Variants in COL27A1 observed in about 807,000 individuals in gnomAD.
COL27A1 encodes collagen type XXVII alpha 1 chain.
A neutral mutation model predicts 251.3 loss-of-function variants in COL27A1; 106 were observed. The observed-to-expected ratio is 0.42, with a 90% CI of 0.36 to 0.50. The LOEUF is 0.50. Ranked by LOEUF, COL27A1 falls within the 20% of genes least tolerant of loss-of-function variation. The pLI, the probability that COL27A1 is intolerant of heterozygous loss-of-function variation, is 0.00. For missense variants in COL27A1, 2,325 were observed against 2,522.8 expected (o/e 0.92, Z 1.68); for synonymous variants, 1,000 against 986.3 (o/e 1.01, Z -0.26).
At position 114,187,974 on chromosome 9, in the gene COL27A1, C is replaced by T. The variant is rs372659021; in HGVS notation, c.2016+4899C>T. ...GTGTGCCCAAGTTTGAATCCTGGCT[C>T]TACTGATGCAGGGCAGACAAGCCCC... On this transcript the variant is annotated intron_variant, in intron 5 of 60. Coordinates refer to ENST00000356083, the MANE Select transcript of COL27A1 (RefSeq NM_032888.4). 1.4e-4 allele frequency among the ~76,000 whole-genome samples: 21 copies of T among 152,326 alleles called. No individual in the cohort carries two copies. In the East Asian group the frequency reaches 1.5e-3, roughly 11 times the overall value.
At chr9:114,298,541 G>A (rs1456470736) in intron 49 of COL27A1, among the ~76,000 whole-genome samples, 1 of 152,110 alleles carries the variant, frequency 6.6e-6, no homozygotes, top group Non-Finnish European at 1.5e-5. Flanking sequence ...AATTGAATGG[G>A]AAAAGAATTT....
intron 45 of COL27A1, 28 bp downstream of exon 45, chr9:114,289,323 G>C: frequency 1.3e-6 from 2 of 1,556,412 alleles, no homozygotes; most frequent in Non-Finnish European, 8.7e-7. Flanking sequence ...TCAGCAGGGA[G>C]ACTGAGTCCC....
chr9:114,272,425 A>C (rs1294544695), intron 36 of COL27A1: 1 of 152,142 alleles, frequency 6.6e-6, no homozygotes, highest in Admixed American at 6.5e-5. Context: ...AGCCAATTCT[A>C]CCTGAGTCCT....
Position 114,252,205 on chromosome 9 carries a change from G to A in COL27A1, c.3034-388G>A, listed in dbSNP as rs558569717. Among the ~76,000 whole-genome samples, 17 of 152,342 alleles carry A rather than the reference G, an allele frequency of 1.1e-4. No individual in the cohort carries two copies. In the East Asian group the frequency reaches 2.9e-3, roughly 26 times the overall value. On this transcript the variant is annotated intron_variant, in intron 25 of 60. Transcript: ENST00000356083. ...AGGGAGTTTGGAGAGTGAAAGACAT[G>A]CCTTCTCTTGCTGTTTCTGCCTCAG...
At chr9:114,282,843 T>TAA (rs1836012972) in intron 39 of COL27A1, among the ~76,000 whole-genome samples, 1 of 152,210 alleles carries the variant, frequency 6.6e-6, no homozygotes, top group Non-Finnish European at 1.5e-5. Context: ...TGGACCCAAA[T>TAA]TAATAAGCCT....
intron 37 of COL27A1, among the ~76,000 whole-genome samples, chr9:114,279,177 A>G (rs997378276): frequency 6.6e-6 from 1 of 152,132 alleles, no homozygotes; most frequent in African/African-American, 2.4e-5. Flanking sequence ...CCATTGCCTG[A>G]CCAAGACCAG....
Position 114,235,668 on chromosome 9 carries a change from TTTCCCCTCCCCC to T in COL27A1, c.2619+18_2619+29del. 1 of 1,605,362 alleles carries T rather than the reference TTTCCCCTCCCCC, an allele frequency of 6.2e-7. No homozygotes were observed. Reference sequence around the variant, plus strand: ...AGGAGACAAGGTAATTGCATGAGATTTTCCCCTCCCCCTGCCCCTGCCCCTGCCCTGCTGTTC... The same window carrying T: ...AGGAGACAAGGTAATTGCATGAGATTTGCCCCTGCCCCTGCCCTGCTGTTC... On this transcript the variant is annotated intron_variant, in intron 17 of 60. Transcript: ENST00000356083.
At chr9:114,273,134 G>A (rs1271937098) in intron 36 of COL27A1, 2 of 152,212 alleles carry the variant, frequency 1.3e-5, no homozygotes, top group African/African-American at 4.8e-5. Flanking sequence ...GCAGAGCCCA[G>A]GTGAGGGCCC....
intron 3 of COL27A1, among the ~76,000 whole-genome samples, chr9:114,177,626 G>A (rs1358576640): frequency 1.3e-5 from 2 of 152,216 alleles, no homozygotes; most frequent in Non-Finnish European, 2.9e-5. Context: ...CATGGGGAGT[G>A]TTTTATTGCC....
rs1409973634 is a variant in COL27A1 at position 114,282,343 on chromosome 9, T to G, written c.3771+13T>G. ...CACTGGAGCCAAGGTAGGTGTCCCC[T>G]TCTGACTTGATAGGCCTGCGTCCCT... On this transcript the variant is annotated intron_variant, in intron 38 of 60. Transcript: ENST00000356083. 1 of 1,613,976 alleles carries G rather than the reference T, an allele frequency of 6.2e-7. No homozygotes were observed. The highest frequency in any genetic ancestry group is 8.5e-7 in the Non-Finnish European group (1 of 1,179,980).
chr9:114,220,480 T>C (rs1201231962), intron 13 of COL27A1, among the ~76,000 whole-genome samples: 2 of 152,210 alleles, frequency 1.3e-5, no homozygotes, highest in Non-Finnish European at 2.9e-5. Flanking sequence ...TGGTGGCTGC[T>C]GCGTTCATAA....
chr9:114,260,306 C>T (rs1206219977), intron 28 of COL27A1, among the ~76,000 whole-genome samples: 1 of 152,226 alleles, frequency 6.6e-6, no homozygotes, highest in South Asian at 2.1e-4. Flanking sequence ...GAGCCCCTCT[C>T]CCCACTGGGT....
At chr9:114,219,089 G>A (rs1402082731) in intron 12 of COL27A1, among the ~76,000 whole-genome samples, 1 of 152,106 alleles carries the variant, frequency 6.6e-6, no homozygotes, top group African/African-American at 2.4e-5. Flanking sequence ...TCTGTCCCCG[G>A]CCCCCGAAGG....
intron 23 of COL27A1, among the ~76,000 whole-genome samples, chr9:114,243,792 C>T (rs543003030): frequency 5.6e-4 from 85 of 151,618 alleles, no homozygotes; most frequent in Non-Finnish European, 9.0e-4. Flanking sequence ...GATGGTGTTT[C>T]GGGCTATTTT....
At chr9:114,242,108 T>C (rs1832802120) in intron 21 of COL27A1, 79 bp from the exon 22 acceptor site, 1 of 1,280,720 alleles carries the variant, frequency 7.8e-7, no homozygotes, top group Admixed American at 2.7e-5. Flanking sequence ...TCCCTTTCCC[T>C]CCATACAGGA....
intron 8 of COL27A1, 105 bp downstream of exon 8, chr9:114,205,251 G>A (rs1219152201): frequency 1.1e-5 from 12 of 1,106,748 alleles, no homozygotes; most frequent in Non-Finnish European, 1.3e-5. Flanking sequence ...CAGCCCCAGA[G>A]CCAGGCTGTT....
At chr9:114,292,300 TACAC>T (rs546884882) in intron 49 of COL27A1, 90 bp downstream of exon 49, 7 of 1,011,528 alleles carry the variant, frequency 6.9e-6, no homozygotes, top group African/African-American at 3.2e-5. Flanking sequence ...TGCACACTCA[TACAC>T]ACACACAAAC....
intron 28 of COL27A1, among the ~76,000 whole-genome samples, chr9:114,263,449 C>G (rs929633139): frequency 1.3e-5 from 2 of 152,038 alleles, no homozygotes; most frequent in African/African-American, 4.8e-5. Flanking sequence ...GCTTGAGACC[C>G]CCTAGAGAAC....
intron 5 of COL27A1, among the ~76,000 whole-genome samples, chr9:114,185,564 ATGGG>A (rs1294170960): frequency 6.6e-6 from 1 of 152,210 alleles, no homozygotes; most frequent in Non-Finnish European, 1.5e-5. Flanking sequence ...GTCTGCATGA[ATGGG>A]TGGGACCCTG....
Sources: gnomAD v4.1 joint callset for allele counts (sites outside exome capture counted in the v4.1 genomes callset) on GRCh38, gnomAD v4.1.1 for gene constraint, MANE v1.5 for transcripts, NCBI Gene and HGNC (gene_info 2026-07-23, HGNC 2026-07-21) for gene names.